The following TRUB1 variants were observed in gnomAD, a reference collection of about 807,000 sequenced individuals.
TRUB1 encodes the protein TruB pseudouridine synthase family member 1.
Under a neutral mutation model 33.9 loss-of-function variants are expected in TRUB1, and 23 were observed. The observed-to-expected ratio is 0.68, with a 90% CI of 0.49 to 0.96. The LOEUF is 0.96. Ranked by LOEUF, TRUB1 falls within the 40% of genes least tolerant of loss-of-function variation. The probability of loss-of-function intolerance (pLI) is 0.00; values close to 1 mark genes in which losing one functional copy is unlikely to be tolerated. For synonymous variants in TRUB1, 163 were observed against 165.4 expected (o/e 0.99, Z 0.11); for missense variants, 378 against 422.2 (o/e 0.90, Z 0.92).
intron 3 of TRUB1, among the ~76,000 whole-genome samples, chr10:114,956,524 G>T (rs1429777893): frequency 6.6e-6 from 1 of 152,130 alleles, no homozygotes; most frequent in Non-Finnish European, 1.5e-5. Flanking sequence ...GTGGATAATT[G>T]AATAAAATTG....
chr10:114,948,265 C>G (rs575556238), intron 2 of TRUB1, among the ~76,000 whole-genome samples: 66 of 152,284 alleles, frequency 4.3e-4, no homozygotes, highest in African/African-American at 1.5e-3. Context: ...ATAAGCTGCT[C>G]ATCTCTCTCA....
At chr10:114,942,423 T>G (rs1014007416) in intron 1 of TRUB1, among the ~76,000 whole-genome samples, 3 of 152,240 alleles carry the variant, frequency 2.0e-5, no homozygotes, top group African/African-American at 7.2e-5. Flanking sequence ...TTCTACTGTC[T>G]TGATAGCTGA....
chr10:114,944,386 A>G (rs1221283478), intron 2 of TRUB1, among the ~76,000 whole-genome samples: 1 of 152,158 alleles, frequency 6.6e-6, no homozygotes, highest in African/African-American at 2.4e-5. Context: ...ATGATTTTGT[A>G]TTTTCTAAAA....
chr10:114,967,680 G>T (rs1413729003), intron 4 of TRUB1, among the ~76,000 whole-genome samples: 1 of 151,968 alleles, frequency 6.6e-6, no homozygotes. Context: ...TGTTTATTCT[G>T]CCTAGTTATT....
chr10:114,974,187 T>A (rs1418839643), intron 6 of TRUB1, 142 bp from the exon 7 acceptor site: 2 of 676,670 alleles, frequency 3.0e-6, no homozygotes, highest in Non-Finnish European at 5.2e-6. Flanking sequence ...ACTGGATGAA[T>A]AATTTATGTT....
intron 4 of TRUB1, among the ~76,000 whole-genome samples, chr10:114,970,109 T>G (rs954567058): frequency 2.0e-4 from 31 of 152,202 alleles, no homozygotes; most frequent in African/African-American, 7.2e-4. Context: ...ATATATAAGA[T>G]GATTGCATTA....
intron 7 of TRUB1, 75 bp downstream of exon 7, chr10:114,974,460 GT>G: frequency 7.5e-7 from 1 of 1,338,292 alleles, no homozygotes; most frequent in Non-Finnish European, 1.1e-6. Flanking sequence ...GGAATTTTCC[GT>G]TTTTCTTATT....
chr10:114,973,141 C>A (rs61869272), intron 6 of TRUB1, among the ~76,000 whole-genome samples: 32,352 of 151,584 alleles, frequency 0.21, 4,101 homozygotes, highest in Non-Finnish European at 0.3. Context: ...TGGTTTTGTA[C>A]CATTAGAAAA....
intron 6 of TRUB1, among the ~76,000 whole-genome samples, chr10:114,972,659 C>T (rs766189281): frequency 1.1e-4 from 17 of 152,092 alleles, no homozygotes; most frequent in South Asian, 8.3e-4. Flanking sequence ...TAATACATTC[C>T]GTTTTAGAAC....
At chr10:114,948,102 C>T (rs529103393) in intron 2 of TRUB1, among the ~76,000 whole-genome samples, 5 of 152,094 alleles carry the variant, frequency 3.3e-5, no homozygotes, top group South Asian at 2.1e-4. Context: ...GTTTTTTTAA[C>T]GGAAAAGACA....
intron 1 of TRUB1, among the ~76,000 whole-genome samples, chr10:114,938,998 T>TA (rs1166690730): frequency 6.6e-6 from 1 of 152,218 alleles, no homozygotes; most frequent in Non-Finnish European, 1.5e-5. Context: ...AACAATTACT[T>TA]AGAGTCTCTT....
rs2084311242 is a variant in TRUB1, at chr10:114,966,942, A to G, written c.524-3426A>G. Among the ~76,000 whole-genome samples, 2 of 152,202 alleles carry G rather than the reference A, an allele frequency of 1.3e-5. 1 individual carries two copies. The highest frequency in any genetic ancestry group is 2.9e-5 in the Non-Finnish European group (2 of 68,032). ...CATGACTTTTCTGGGGTGTCTATCAAATGACTTGTGCATTCAACAAAGTTT... is the reference window on the plus strand; with the variant it reads ...CATGACTTTTCTGGGGTGTCTATCAGATGACTTGTGCATTCAACAAAGTTT... On this transcript the variant is annotated intron_variant, in intron 4 of 7. Transcript: ENST00000298746.
intron 2 of TRUB1, among the ~76,000 whole-genome samples, chr10:114,942,993 AAG>A (rs1421457043): frequency 1.3e-5 from 2 of 152,226 alleles, no homozygotes; most frequent in Non-Finnish European, 2.9e-5. Flanking sequence ...CTGTGCAGAA[AAG>A]AGTTAACATA....
Position 114,952,604 on chromosome 10 carries a change from G to A in TRUB1, c.441+1455G>A, listed in dbSNP as rs1052164183. Among the ~76,000 whole-genome samples, 8 of 152,146 alleles carry A rather than the reference G, an allele frequency of 5.3e-5. No individual in the cohort carries two copies. The East Asian group carries it at 1.2e-3, about 22-fold the overall frequency. On this transcript the variant is annotated intron_variant, in intron 3 of 7. Transcript: ENST00000298746. Reference sequence around the variant, plus strand: ...ATATTGCATGTGATGTCTCATTTTGGTTATCAACTGGCATAAAAATCTGTG... The same window carrying A: ...ATATTGCATGTGATGTCTCATTTTGATTATCAACTGGCATAAAAATCTGTG...
chr10:114,953,833 G>A (rs1315045611), intron 3 of TRUB1, among the ~76,000 whole-genome samples: 1 of 152,118 alleles, frequency 6.6e-6, no homozygotes, highest in African/African-American at 2.4e-5. Context: ...GAGAGAGGCG[G>A]AGGTGCCAGG....
At chr10:114,972,717 A>G (rs2084343080) in intron 6 of TRUB1, among the ~76,000 whole-genome samples, 1 of 152,176 alleles carries the variant, frequency 6.6e-6, no homozygotes, top group Admixed American at 6.6e-5. Flanking sequence ...TTTTTGGACA[A>G]GAAACCCCTC....
At chr10:114,957,870 G>A (rs1320551507) in intron 3 of TRUB1, among the ~76,000 whole-genome samples, 1 of 152,162 alleles carries the variant, frequency 6.6e-6, no homozygotes, top group Non-Finnish European at 1.5e-5. Context: ...AAATCATAAA[G>A]CATTTTGATG....
At chr10:114,944,656 G>T (rs1214155963) in intron 2 of TRUB1, among the ~76,000 whole-genome samples, 1 of 151,814 alleles carries the variant, frequency 6.6e-6, no homozygotes, top group Non-Finnish European at 1.5e-5. Context: ...TGAAACTCTT[G>T]TCTCAGTAAA....
chr10:114,953,802 G>A (rs1249729317), intron 3 of TRUB1, among the ~76,000 whole-genome samples: 1 of 152,114 alleles, frequency 6.6e-6, no homozygotes, highest in Non-Finnish European at 1.5e-5. Flanking sequence ...CATGTCGCAT[G>A]GTGAGAGAGG....
Sources: gnomAD v4.1 joint callset for allele counts (sites outside exome capture counted in the v4.1 genomes callset) on GRCh38, gnomAD v4.1.1 for gene constraint, MANE v1.5 for transcripts, NCBI Gene and HGNC (gene_info 2026-07-23, HGNC 2026-07-21) for gene names.